LPP: variants seen among roughly 807,000 people sequenced by gnomAD.
LPP encodes the protein lipoma-preferred partner.
Under a neutral mutation model 60.4 loss-of-function variants are expected in LPP, and 38 were observed. That is an observed-to-expected ratio of 0.63 (90% CI 0.49 to 0.83). The LOEUF (loss-of-function observed/expected upper bound fraction) is 0.83, where lower values mean the gene tolerates loss of function less well. Among genes scored for constraint, LPP ranks in the 40% least tolerant of loss-of-function variants. LPP has a pLI of 0.00. For missense variants in LPP, 902 were observed against 783.6 expected (o/e 1.15, Z -1.80); for synonymous variants, 328 against 290.8 (o/e 1.13, Z -1.30).
At chr3:188,328,223 AC>A (rs768107984) in intron 2 of LPP, among the ~76,000 whole-genome samples, 29 of 152,172 alleles carry the variant, frequency 1.9e-4, no homozygotes, top group Admixed American at 8.5e-4. Flanking sequence ...GACTTTTTAT[AC>A]CCTATTATAT....
At position 188,874,331 on chromosome 3, in the gene LPP, A is replaced by G. The variant is rs748850134; in HGVS notation, c.1711-20A>G. On this transcript the variant is annotated intron_variant, in intron 11 of 11. Coordinates refer to ENST00000617246, the MANE Select transcript of LPP (RefSeq NM_001375462.1). ...TAACGTTTTTACTTATGTCGTTTCC[A>G]TCTGTCTTTACTGTTCTAGGATTGC... 1 of 1,600,164 alleles carries G rather than the reference A, an allele frequency of 6.2e-7. No individual in the cohort carries two copies. The highest frequency in any genetic ancestry group is 8.5e-7 in the Non-Finnish European group (1 of 1,170,572).
chr3:188,154,891 C>G (rs977199341), intron 1 of LPP, among the ~76,000 whole-genome samples: 5 of 152,076 alleles, frequency 3.3e-5, no homozygotes, highest in African/African-American at 4.8e-5. Context: ...AAAGGAAGTT[C>G]CAGGGAGGGG....
intron 8 of LPP, among the ~76,000 whole-genome samples, chr3:188,753,583 G>GTGTT (rs1487744099): frequency 8.3e-6 from 1 of 120,896 alleles, no homozygotes; most frequent in Admixed American, 7.8e-5. Context: ...TTGTGTGCGT[G>GTGTT]TGTGTGTGTG....
chr3:188,452,216 C>T (rs1490226792), intron 4 of LPP, among the ~76,000 whole-genome samples: 4 of 152,182 alleles, frequency 2.6e-5, no homozygotes, highest in Admixed American at 1.3e-4. Context: ...AATTAAGTTT[C>T]CTCACTGTTA....
chr3:188,161,342 C>T (rs962685586), intron 1 of LPP, among the ~76,000 whole-genome samples: 5 of 152,038 alleles, frequency 3.3e-5, no homozygotes, highest in Admixed American at 6.6e-5. Flanking sequence ...CAGCAGCGTA[C>T]GGAGGGAAAA....
intron 1 of LPP, among the ~76,000 whole-genome samples, chr3:188,224,476 G>T (rs28403879): frequency 0.63 from 95,095 of 151,962 alleles, 30,243 homozygotes; most frequent in African/African-American, 0.7. Flanking sequence ...AATAATAGTT[G>T]CTAATGAAAT....
intron 2 of LPP, among the ~76,000 whole-genome samples, chr3:188,322,028 C>G (rs1031253664): frequency 6.6e-6 from 1 of 152,192 alleles, no homozygotes; most frequent in African/African-American, 2.4e-5. Context: ...AGATGCTTCA[C>G]CTCATCACTC....
In LPP at chr3:188,284,200, G is replaced by A. The variant is rs114833697; in HGVS notation, c.-66-57463G>A. On this transcript the variant is annotated intron_variant, in intron 2 of 11. Transcript: ENST00000617246. ...TGACCTCAGGTGATCCGCCTGCCTC[G>A]GCCTCCCAAAGTTGTTGAGATTATA... Among the ~76,000 whole-genome samples the A allele has an allele frequency of 7.4e-3, 1,118 of 151,900 alleles. 15 individuals carry two copies. The highest frequency in any genetic ancestry group is 0.025 in the African/African-American group (1,053 of 41,488).
intron 6 of LPP, among the ~76,000 whole-genome samples, chr3:188,566,648 A>G (rs904927396): frequency 6.6e-6 from 1 of 151,884 alleles, no homozygotes; most frequent in Non-Finnish European, 1.5e-5. Flanking sequence ...TATGTAAATT[A>G]TACCAAGAAT....
chr3:188,360,351 C>T (rs1394972247), intron 3 of LPP, among the ~76,000 whole-genome samples: 1 of 152,076 alleles, frequency 6.6e-6, no homozygotes, highest in Non-Finnish European at 1.5e-5. Context: ...AGTTCAAGAC[C>T]TCTGTTTTCC....
At chr3:188,612,081 T>C (rs760319623) in intron 7 of LPP, among the ~76,000 whole-genome samples, 1 of 152,260 alleles carries the variant, frequency 6.6e-6, no homozygotes, top group Non-Finnish European at 1.5e-5. Flanking sequence ...TCAGTAGATT[T>C]CATGTTATTT....
chr3:188,507,519 T>C (rs1406452682), intron 5 of LPP, among the ~76,000 whole-genome samples: 2 of 152,032 alleles, frequency 1.3e-5, no homozygotes, highest in African/African-American at 4.8e-5. Flanking sequence ...ATCACATAAG[T>C]TTCCCGTTTT....
At chr3:188,215,122 G>A (rs546377699) in intron 1 of LPP, among the ~76,000 whole-genome samples, 58 of 152,144 alleles carry the variant, frequency 3.8e-4, no homozygotes, top group African/African-American at 1.1e-3. Flanking sequence ...CTTGGCCAAC[G>A]TGATGAATCC....
Position 188,341,733 on chromosome 3 carries a change from C to T in LPP, c.-10+14C>T, listed in dbSNP as rs910339479. The T allele has an allele frequency of 1.3e-5, 13 of 978,404 alleles. No individual in the cohort carries two copies. Among genetic ancestry groups the T allele is most frequent in the Admixed American group, 1.2e-4 (2 of 16,232 alleles). 60.6% of individuals were successfully genotyped at this position (978,404 alleles called of 1,614,324 possible). ...CAGCTATCTGAGGTAAGAGAGGAGGCGTGTCTTCTTGTTTATGAAATACTA... is the reference window on the plus strand; with the variant it reads ...CAGCTATCTGAGGTAAGAGAGGAGGTGTGTCTTCTTGTTTATGAAATACTA... On this transcript the variant is annotated intron_variant, in intron 3 of 11. Transcript: ENST00000617246.
chr3:188,372,624 A>C (rs1773613558), intron 3 of LPP, among the ~76,000 whole-genome samples: 1 of 151,318 alleles, frequency 6.6e-6, no homozygotes. Context: ...AGTTAAGTGC[A>C]TTCAAGTTTC....
intron 2 of LPP, among the ~76,000 whole-genome samples, chr3:188,227,631 C>T (rs911045173): frequency 1.3e-5 from 2 of 152,110 alleles, no homozygotes; most frequent in Non-Finnish European, 2.9e-5. Context: ...GCCTCAGGCA[C>T]AGTTTGAACA....
In LPP at chr3:188,569,671, A is replaced by T. The variant is rs1188002693; in HGVS notation, c.430-39490A>T. On this transcript the variant is annotated intron_variant, in intron 6 of 11. Transcript: ENST00000617246. The stretch of plus-strand genomic sequence containing the variant: ...TTCAGCAGAGGAAATTGTGGCCCAG[A>T]AGGTTGTATGTAACTCATCGAGGCA... 2.0e-5 allele frequency among the ~76,000 whole-genome samples: 3 copies of T among 151,970 alleles called. No homozygotes were observed. In the East Asian group the frequency reaches 5.8e-4, roughly 29 times the overall value.
At chr3:188,612,011 T>A (rs926068563) in intron 7 of LPP, among the ~76,000 whole-genome samples, 19 of 152,228 alleles carry the variant, frequency 1.2e-4, no homozygotes, top group African/African-American at 4.3e-4. Flanking sequence ...TTATTTTACT[T>A]CTTATTTGAG....
intron 9 of LPP, among the ~76,000 whole-genome samples, chr3:188,811,987 A>G: frequency 6.6e-6 from 1 of 152,122 alleles, no homozygotes; most frequent in Non-Finnish European, 1.5e-5. Context: ...GTTGCAGATC[A>G]TTAGAATATT....
Sources: allele counts gnomAD v4.1 joint callset (sites outside exome capture counted in the v4.1 genomes callset), GRCh38; gene constraint gnomAD v4.1.1; transcripts MANE v1.5; gene names NCBI Gene and HGNC (gene_info 2026-07-23, HGNC 2026-07-21).